Variants in TENM3 observed in about 807,000 individuals in gnomAD.
TENM3 encodes the protein teneurin-3.
TENM3 carries 63 observed loss-of-function variants against 255.1 expected under a neutral mutation model. The observed-to-expected ratio is 0.25, with a 90% CI of 0.20 to 0.30. The LOEUF (loss-of-function observed/expected upper bound fraction) is 0.30, where lower values mean the gene tolerates loss of function less well. Ranked by LOEUF, TENM3 falls within the 10% of genes least tolerant of loss-of-function variation. The pLI, the probability that TENM3 is intolerant of heterozygous loss-of-function variation, is 1.00. For missense variants in TENM3, 2,929 were observed against 3,461.1 expected (o/e 0.85, Z 3.86); for synonymous variants, 1,306 against 1,322.3 (o/e 0.99, Z 0.27).
chr4:181,858,586 G>A, the TENM3 span, among the ~76,000 whole-genome samples: 3 of 152,196 alleles, frequency 2.0e-5, no homozygotes, highest in Non-Finnish European at 4.4e-5. Context: ...CTCATGCAGA[G>A]CCAGGATGCG....
At chr4:182,003,701 G>C in the TENM3 span, among the ~76,000 whole-genome samples, 1 of 152,024 alleles carries the variant, frequency 6.6e-6, no homozygotes, top group South Asian at 2.1e-4. Flanking sequence ...ATGTTTACCA[G>C]TCACTACACA....
the TENM3 span, among the ~76,000 whole-genome samples, chr4:181,811,540 G>A: frequency 6.6e-6 from 1 of 152,204 alleles, no homozygotes; most frequent in Non-Finnish European, 1.5e-5. Flanking sequence ...ATAAAGTCAT[G>A]CCTGAGACTG....
the TENM3 span, among the ~76,000 whole-genome samples, chr4:181,939,324 C>A: frequency 6.6e-6 from 1 of 152,162 alleles, no homozygotes; most frequent in African/African-American, 2.4e-5. Context: ...CTTGAGTGTG[C>A]TCTAGAATCG....
At chr4:181,690,345 G>A in the TENM3 span, among the ~76,000 whole-genome samples, 4,385 of 152,162 alleles carry the variant, frequency 0.029, 205 homozygotes, top group African/African-American at 0.1. Flanking sequence ...CAGGGCCATC[G>A]CTTTGTAAAA....
intron 3 of TENM3, among the ~76,000 whole-genome samples, chr4:182,385,870 ATAT>A (rs991105927): frequency 5.3e-5 from 8 of 152,252 alleles, no homozygotes; most frequent in South Asian, 4.1e-4. Context: ...GCTATTTTTC[ATAT>A]TATTATTATT....
the TENM3 span, among the ~76,000 whole-genome samples, chr4:181,620,423 C>G: frequency 6.6e-6 from 1 of 152,100 alleles, no homozygotes; most frequent in Non-Finnish European, 1.5e-5. Flanking sequence ...GGTTGGCTCT[C>G]TTTATACACG....
At chr4:182,786,252 C>G (rs1316786877) in intron 24 of TENM3, among the ~76,000 whole-genome samples, 1 of 152,050 alleles carries the variant, frequency 6.6e-6, no homozygotes, top group Non-Finnish European at 1.5e-5. Flanking sequence ...ACTCACAAAC[C>G]AAAGGTGCAA....
the TENM3 span, among the ~76,000 whole-genome samples, chr4:182,135,732 C>T: frequency 6.6e-6 from 1 of 152,174 alleles, no homozygotes; most frequent in African/African-American, 2.4e-5. Context: ...TCTTTCCTCT[C>T]CTGGCATTAA....
chr4:181,502,630 T>C, the TENM3 span, among the ~76,000 whole-genome samples: 2 of 152,192 alleles, frequency 1.3e-5, no homozygotes, highest in Non-Finnish European at 2.9e-5. Context: ...TAGCACGGTG[T>C]GGTTCTAACC....
At chr4:181,745,252 T>A in the TENM3 span, among the ~76,000 whole-genome samples, 4 of 152,046 alleles carry the variant, frequency 2.6e-5, no homozygotes, top group Admixed American at 2.6e-4. Context: ...TTGGCTTAAA[T>A]TAGCAATGTT....
chr4:181,784,110 A>G, the TENM3 span, among the ~76,000 whole-genome samples: 22 of 151,876 alleles, frequency 1.4e-4, no homozygotes, highest in Admixed American at 1.4e-3. Flanking sequence ...AATAGCTGCA[A>G]TAATGACATT....
chr4:181,894,566 C>T, the TENM3 span, among the ~76,000 whole-genome samples: 27 of 152,056 alleles, frequency 1.8e-4, 1 homozygote, highest in Non-Finnish European at 3.4e-4. Context: ...ATCGGTTTAT[C>T]GTATTTATAA....
At chr4:182,049,095 A>T in the TENM3 span, among the ~76,000 whole-genome samples, 1 of 152,104 alleles carries the variant, frequency 6.6e-6, no homozygotes, top group African/African-American at 2.4e-5. Flanking sequence ...GAGTCACTCA[A>T]GGAGAAACTG....
intron 3 of TENM3, among the ~76,000 whole-genome samples, chr4:182,476,274 G>A (rs1733676821): frequency 6.6e-6 from 1 of 152,102 alleles, no homozygotes; most frequent in Non-Finnish European, 1.5e-5. Flanking sequence ...GAAAACAGAT[G>A]TATTTCTTTT....
At chr4:182,632,095 T>C (rs1751423138) in intron 5 of TENM3, among the ~76,000 whole-genome samples, 1 of 152,226 alleles carries the variant, frequency 6.6e-6, no homozygotes, top group African/African-American at 2.4e-5. Flanking sequence ...CCAGATATTG[T>C]CCCATGTACA....
intron 1 of TENM3, among the ~76,000 whole-genome samples, chr4:182,272,787 A>G (rs1759727912): frequency 6.6e-6 from 1 of 152,162 alleles, no homozygotes; most frequent in Admixed American, 6.5e-5. Flanking sequence ...GCAAGAACAT[A>G]CATTACTGCA....
intron 5 of TENM3, among the ~76,000 whole-genome samples, chr4:182,645,639 G>C (rs1032443448): frequency 6.6e-5 from 10 of 152,140 alleles, no homozygotes; most frequent in African/African-American, 2.4e-4. Context: ...GGCTCAGCTG[G>C]TGCTGCAGGA....
chr4:182,056,214 C>T, the TENM3 span, among the ~76,000 whole-genome samples: 4 of 152,002 alleles, frequency 2.6e-5, no homozygotes, highest in African/African-American at 9.7e-5. Flanking sequence ...TGTGTAAAAC[C>T]GACTGAGAGA....
the TENM3 span, among the ~76,000 whole-genome samples, chr4:181,498,104 G>A: frequency 6.6e-6 from 1 of 151,976 alleles, no homozygotes; most frequent in Non-Finnish European, 1.5e-5. Context: ...TAATTCAGAG[G>A]TAGAAGCATC....
Sources: gnomAD v4.1 joint callset for allele counts (sites outside exome capture counted in the v4.1 genomes callset) on GRCh38, gnomAD v4.1.1 for gene constraint, MANE v1.5 for transcripts, NCBI Gene and HGNC (gene_info 2026-07-23, HGNC 2026-07-21) for gene names.